Variants in DIS3L observed in about 807,000 individuals in gnomAD.
DIS3L encodes the protein DIS3-like exonuclease 1.
Under a neutral mutation model 120.3 loss-of-function variants are expected in DIS3L, and 100 were observed. The ratio of observed to expected loss-of-function variants is 0.83; its 90% CI spans 0.71 to 0.98. The LOEUF (loss-of-function observed/expected upper bound fraction) is 0.98, where lower values mean the gene tolerates loss of function less well. Ranked by LOEUF, DIS3L falls within the 50% of genes least tolerant of loss-of-function variation. The pLI is 0.00. For synonymous variants in DIS3L, 426 were observed against 470.6 expected (o/e 0.91, Z 1.23); for missense variants, 1,196 against 1,314.2 (o/e 0.91, Z 1.39).
In DIS3L at chr15:66,318,593, G is replaced by A; in HGVS notation, c.1139G>A (p.Ser380Asn). Residue 380 changes from serine to asparagine, a missense_variant, in exon 8 of 17, where the codon AGC (serine) becomes AAC (asparagine). By Grantham distance (46) the Ser-to-Asn change is conservative (BLOSUM62 1). Transcript: ENST00000319212. ...WDYRIPKIRI[S>N]TQQAETLQDF... ...TACAGAATTCCCAAAATTCGAATTAGCACTCAGCAAGCAGAAACCCTCCAG... is the reference window on the plus strand; with the variant it reads ...TACAGAATTCCCAAAATTCGAATTAACACTCAGCAAGCAGAAACCCTCCAG... 1.2e-6 allele frequency: 2 copies of A among 1,613,968 alleles called. No homozygotes were observed. Among genetic ancestry groups the A allele is most frequent in the Non-Finnish European group, 8.5e-7 (1 of 1,180,008 alleles).
chr15:66,320,619 T>C lies in DIS3L; in HGVS notation c.1213T>C (p.Tyr405His). The change falls in exon 9 of 17, where the codon TAT (tyrosine) becomes CAT (histidine). Residue 405 changes from tyrosine to histidine, a missense_variant. Coordinates refer to ENST00000319212, the MANE Select transcript of DIS3L (RefSeq NM_001143688.3). ...CGATTCCTGGGAGTCAACATCTGTG[T>C]ATCCAAATGGACATTTTGTGCGTGT... ...RIDSWESTSVYPNGHFVRVLG... is the reference protein window; with the variant it reads ...RIDSWESTSVHPNGHFVRVLG... 1 of 1,614,148 alleles carries C rather than the reference T, an allele frequency of 6.2e-7. No homozygotes were observed.
Position 66,320,715 on chromosome 15 carries a change from C to A in DIS3L, c.1309C>A (p.Pro437Thr), listed in dbSNP as rs1350551167. The A allele has an allele frequency of 6.2e-7, 1 of 1,613,406 alleles. No individual in the cohort carries two copies. The highest frequency in any genetic ancestry group is 8.5e-7 in the Non-Finnish European group (1 of 1,179,762). The change falls in exon 9 of 17, where the codon CCT (proline) becomes ACT (threonine). Residue 437 changes from proline (P) to threonine (T), a missense_variant. Coordinates refer to ENST00000319212, the MANE Select transcript of DIS3L (RefSeq NM_001143688.3). The stretch of plus-strand genomic sequence containing the variant: ...GGTGGAAAACAGTATTTCAGTTATT[C>A]CTTTCTCAGAAGCTCAGGTCAGATT... Reference protein sequence around the residue: ...ILVENSISVIPFSEAQMCEMP... With the variant: ...ILVENSISVITFSEAQMCEMP...
In DIS3L at chr15:66,295,005, A is replaced by C. The variant is rs747194548; in HGVS notation, c.157A>C (p.Ser53Arg). 2.5e-6 allele frequency: 4 copies of C among 1,613,340 alleles called. No individual in the cohort carries two copies. The highest frequency in any genetic ancestry group is 1.1e-5 in the South Asian group (1 of 91,018). The change falls in exon 2 of 17, where the codon AGT becomes CGT. Residue 53 changes from serine to arginine, a missense_variant. Ser to Arg is a moderately radical substitution (Grantham distance 110). Transcript: ENST00000319212. ...ACSHDGKLLS[S>R]DVTHYVIPDW... ...TGTTTCAGATGGGAAACTCTTGTCT[A>C]GTGATGTGACTCATTACGTGATCCC... is the stretch of plus-strand genomic sequence containing the variant.
intron 2 of DIS3L, among the ~76,000 whole-genome samples, chr15:66,299,974 C>A (rs991045925): frequency 1.3e-5 from 2 of 151,166 alleles, no homozygotes; most frequent in Non-Finnish European, 3.0e-5. Context: ...TTGCTTGAAC[C>A]TGGGAGGCGG....
At position 66,306,731 on chromosome 15, in the gene DIS3L, C is replaced by G. The variant is rs2092706065; in HGVS notation, c.294-93C>G. The G allele has an allele frequency of 4.5e-6, 7 of 1,555,940 alleles. No individual in the cohort carries two copies. The South Asian group carries it at 7.0e-5, about 16-fold the overall frequency. ...GGTTTAAAGTAATCAATCTTTTGCT[C>G]TAAAATACCCCATCCTTTTTTGATC... On this transcript the variant is annotated intron_variant, in intron 2 of 16. Coordinates refer to ENST00000319212, the MANE Select transcript of DIS3L (RefSeq NM_001143688.3).
At chr15:66,322,657 G>C in intron 9 of DIS3L, 30 bp from the exon 10 acceptor site, 3 of 1,609,158 alleles carry the variant, frequency 1.9e-6, no homozygotes, top group Non-Finnish European at 2.5e-6. Flanking sequence ...TGTGGTGCAT[G>C]AATTGCTGAA....
intron 2 of DIS3L, among the ~76,000 whole-genome samples, chr15:66,299,796 C>T (rs1214770826): frequency 6.6e-6 from 1 of 152,180 alleles, no homozygotes; most frequent in Non-Finnish European, 1.5e-5. Context: ...TGGCTCACGC[C>T]TGTAATCCTA....
chr15:66,315,528 A>T (rs2092808599), intron 7 of DIS3L, among the ~76,000 whole-genome samples: 3 of 152,126 alleles, frequency 2.0e-5, no homozygotes, highest in Admixed American at 2.0e-4. Context: ...CATTGTTATT[A>T]ACTATAGTCA....
At chr15:66,329,888 G>T (rs2092981783) in intron 14 of DIS3L, 2 of 983,524 alleles carry the variant, frequency 2.0e-6, no homozygotes, top group African/African-American at 3.5e-5. Flanking sequence ...CTCTAGCCTG[G>T]GTGACAAAAT....
chr15:66,303,103 A>G (rs891809397), intron 2 of DIS3L, among the ~76,000 whole-genome samples: 37 of 152,212 alleles, frequency 2.4e-4, no homozygotes, highest in Admixed American at 6.5e-5. Flanking sequence ...TTCACTCTGC[A>G]TAATGTGTCA....
chr15:66,310,130 G>A (rs1357456485), intron 4 of DIS3L, among the ~76,000 whole-genome samples: 3 of 152,282 alleles, frequency 2.0e-5, no homozygotes, highest in Admixed American at 6.5e-5. Context: ...ACCCCTGTCA[G>A]TTTATAGAAA....
At chr15:66,296,692 T>G (rs1277832331) in intron 2 of DIS3L, among the ~76,000 whole-genome samples, 1 of 151,784 alleles carries the variant, frequency 6.6e-6, no homozygotes, top group East Asian at 1.9e-4. Context: ...CCCGGCTAAT[T>G]TTTGTATTTT....
chr15:66,320,268 T>C (rs562899950), intron 8 of DIS3L, among the ~76,000 whole-genome samples: 1 of 152,338 alleles, frequency 6.6e-6, no homozygotes, highest in African/African-American at 2.4e-5. Flanking sequence ...TTAACTAGAA[T>C]ATATTACAGT....
At position 66,322,920 on chromosome 15, in the gene DIS3L, T is replaced by C; in HGVS notation, c.1560T>C (p.Ile520=). 6.2e-7 allele frequency: 1 copy of C among 1,614,160 alleles called. No homozygotes were observed. Among genetic ancestry groups the C allele is most frequent in the Non-Finnish European group, 8.5e-7 (1 of 1,180,034 alleles). The part of the protein sequence containing the change: ...HFVAPNSYID[I]EARTRATTYY... ...TGGCACCAAATTCTTACATTGATATTGAAGCTAGAACAAGGTAATGCTATT... is the reference window on the plus strand; with the variant it reads ...TGGCACCAAATTCTTACATTGATATCGAAGCTAGAACAAGGTAATGCTATT... Residue 520 remains isoleucine, a synonymous_variant, in exon 10 of 17, where the codon ATT becomes ATC. Transcript: ENST00000319212.
At chr15:66,298,393 C>T (rs12914520) in intron 2 of DIS3L, among the ~76,000 whole-genome samples, 9,249 of 152,148 alleles carry the variant, frequency 0.061, 359 homozygotes, top group Middle Eastern at 0.11. Flanking sequence ...ACATAAATCT[C>T]GGTATAAGTC....
rs1282516079 is a variant in DIS3L at position 66,325,930 on chromosome 15, C to A, written c.1767C>A (p.Phe589Leu). Residue 589 changes from phenylalanine to leucine, a missense_variant, in exon 12 of 17, where the codon TTC becomes TTA. By Grantham distance (22) the Phe-to-Leu change is conservative. Transcript: ENST00000319212. ...RTIIRSAYKLFYEAAQELLDG... is the reference protein window; with the variant it reads ...RTIIRSAYKLLYEAAQELLDG... ...TTATTCGATCAGCATACAAACTGTT[C>A]TATGAAGCAGCCCAAGAACTACTGG... 6.2e-6 allele frequency: 10 copies of A among 1,614,116 alleles called. No homozygotes were observed. In the South Asian group the frequency reaches 1.1e-4, roughly 18 times the overall value.
intron 1 of DIS3L, 139 bp from the exon 2 acceptor site, chr15:66,294,849 C>T (rs2271531): frequency 3.3e-6 from 3 of 909,790 alleles, no homozygotes; most frequent in Non-Finnish European, 4.8e-6. Context: ...GGGCCTCTAC[C>T]AAAGTAGATT....
In DIS3L at chr15:66,326,056, G is replaced by C. The variant is rs1216321392; in HGVS notation, c.1893G>C (p.Lys631Asn). 1 of 1,613,968 alleles carries C rather than the reference G, an allele frequency of 6.2e-7. No individual in the cohort carries two copies. The highest frequency in any genetic ancestry group is 8.5e-7 in the Non-Finnish European group (1 of 1,179,940). Residue 631 changes from lysine to asparagine, a missense_variant, in exon 12 of 17, where the codon AAG becomes AAC. Transcript: ENST00000319212. ...AGGAGTTGGTGTGGGCAATTGGAAA[G>C]CTGACCGACATAGCTCGCCATGTCA... ...KLEELVWAIG[K>N]LTDIARHVRA...
At chr15:66,313,837 GTA>G (rs1173375866) in intron 5 of DIS3L, among the ~76,000 whole-genome samples, 200 bp from the exon 6 acceptor site, 8 of 149,988 alleles carry the variant, frequency 5.3e-5, no homozygotes, top group East Asian at 1.9e-4. Context: ...AGAAAAAAGT[GTA>G]TATGTGTGTG....
Sources: allele counts gnomAD v4.1 joint callset (sites outside exome capture counted in the v4.1 genomes callset), GRCh38; gene constraint gnomAD v4.1.1; transcripts MANE v1.5; gene names NCBI Gene and HGNC (gene_info 2026-07-23, HGNC 2026-07-21).